QPCT: variants seen among roughly 807,000 people sequenced by gnomAD.
QPCT encodes glutaminyl-peptide cyclotransferase.
Under a neutral mutation model 43.4 loss-of-function variants are expected in QPCT, and 44 were observed. That is an observed-to-expected ratio of 1.01 (90% CI 0.80 to 1.30). The LOEUF (loss-of-function observed/expected upper bound fraction) is 1.30. Among genes scored for constraint, QPCT ranks in the 50% most tolerant of loss-of-function variants. The pLI is 0.00. For missense variants in QPCT, 526 were observed against 436.5 expected, an observed-to-expected ratio of 1.21 and a Z score of -1.83; for synonymous variants, 168 against 168.4, an observed-to-expected ratio of 1.00 and a Z score of 0.02.
intron 3 of QPCT, among the ~76,000 whole-genome samples, chr2:37,362,262 T>C (rs775689304): frequency 2.0e-5 from 3 of 152,242 alleles, no homozygotes; most frequent in African/African-American, 4.8e-5. Flanking sequence ...TCTGCGATTA[T>C]GTTGTCTGAT....
rs766039252 is a variant in QPCT at position 37,344,780 on chromosome 2, C to T, written c.49C>T (p.Leu17=). 2 of 1,609,696 alleles carry T rather than the reference C, an allele frequency of 1.2e-6. No homozygotes were observed. The highest frequency in any genetic ancestry group is 1.3e-5 in the African/African-American group (1 of 74,678). ...CGTCGTGGGCACCCTCCACCTGCTG[C>T]TGCTGGTGGCCGCCCTGCCCTGGGC... is the stretch of plus-strand genomic sequence containing the variant. ...RRVVGTLHLL[L]LVAALPWASR... Residue 17 remains leucine, a synonymous_variant, in exon 1 of 7, where the codon CTG becomes TTG. Coordinates refer to ENST00000338415, the MANE Select transcript of QPCT (RefSeq NM_012413.4).
At chr2:37,367,470 C>G (rs762819287) in intron 4 of QPCT, 62 bp downstream of exon 4, 11 of 1,534,370 alleles carry the variant, frequency 7.2e-6, no homozygotes, top group South Asian at 3.6e-5. Flanking sequence ...GAAAAGGTTG[C>G]AAAAGCCAAG....
At chr2:37,367,677 G>C (rs1672988570) in intron 4 of QPCT, among the ~76,000 whole-genome samples, 1 of 152,040 alleles carries the variant, frequency 6.6e-6, no homozygotes, top group Admixed American at 6.6e-5. Flanking sequence ...TTCGAGACCA[G>C]ACTGGGCAAC....
chr2:37,364,642 C>G (rs945344980), intron 3 of QPCT, among the ~76,000 whole-genome samples: 3 of 152,156 alleles, frequency 2.0e-5, no homozygotes, highest in African/African-American at 7.2e-5. Context: ...CAGAAAGAGA[C>G]AGATCCCCAC....
chr2:37,355,909 G>T (rs947488678), intron 2 of QPCT, among the ~76,000 whole-genome samples: 1 of 152,074 alleles, frequency 6.6e-6, no homozygotes, highest in African/African-American at 2.4e-5. Flanking sequence ...AATGTCATCA[G>T]GTACATAGAT....
chr2:37,359,654 C>T lies in QPCT; in HGVS notation c.342C>T (p.Pro114=), dbSNP rs1279794368. Residue 114 remains proline, a synonymous_variant, in exon 3 of 7, where the codon CCC becomes CCT. Coordinates refer to ENST00000338415, the MANE Select transcript of QPCT (RefSeq NM_012413.4). ...TAGACACCTTCTTGAGTCAGACACC[C>T]TATGGGTACCGGTCTTTCTCAAATA... ...LEIDTFLSQT[P]YGYRSFSNII... 1 of 1,613,992 alleles carries T rather than the reference C, an allele frequency of 6.2e-7. No individual in the cohort carries two copies. Among genetic ancestry groups the T allele is most frequent in the Non-Finnish European group, 8.5e-7 (1 of 1,179,970 alleles).
chr2:37,348,383 T>A (rs1188021428), intron 1 of QPCT, among the ~76,000 whole-genome samples: 1 of 152,190 alleles, frequency 6.6e-6, no homozygotes, highest in African/African-American at 2.4e-5. Flanking sequence ...AGATGTTGTC[T>A]TGTTCAGTTC....
At chr2:37,347,371 G>C (rs951354697) in intron 1 of QPCT, among the ~76,000 whole-genome samples, 5 of 150,172 alleles carry the variant, frequency 3.3e-5, no homozygotes, top group African/African-American at 1.2e-4. Flanking sequence ...TGAAGAGCTA[G>C]GGTTTGGCTT....
intron 2 of QPCT, among the ~76,000 whole-genome samples, chr2:37,356,589 G>T (rs549242138): frequency 6.6e-6 from 1 of 152,284 alleles, no homozygotes; most frequent in South Asian, 2.1e-4. Context: ...TGTAGACTAA[G>T]TCTGAAAGCC....
chr2:37,344,780 C>G lies in QPCT; in HGVS notation c.49C>G (p.Leu17Val). 1 of 1,609,814 alleles carries G rather than the reference C, an allele frequency of 6.2e-7. No homozygotes were observed. The highest frequency in any genetic ancestry group is 8.5e-7 in the Non-Finnish European group (1 of 1,178,850). Residue 17 changes from leucine to valine, a missense_variant, in exon 1 of 7, where the codon CTG becomes GTG. Coordinates refer to ENST00000338415, the MANE Select transcript of QPCT (RefSeq NM_012413.4). ...RRVVGTLHLL[L>V]LVAALPWASR... ...CGTCGTGGGCACCCTCCACCTGCTG[C>G]TGCTGGTGGCCGCCCTGCCCTGGGC...
chr2:37,345,554 G>T (rs1326729139), intron 1 of QPCT, among the ~76,000 whole-genome samples: 1 of 152,038 alleles, frequency 6.6e-6, no homozygotes, highest in African/African-American at 2.4e-5. Context: ...GTATGGGTTC[G>T]GCCGGGCGGG....
rs760045326 is a variant in QPCT at position 37,369,786 on chromosome 2, T to A, written c.823+2T>A. 1 of 1,549,744 alleles carries A rather than the reference T, an allele frequency of 6.5e-7. No homozygotes were observed. Among genetic ancestry groups the A allele is most frequent in the South Asian group, 1.1e-5 (1 of 89,762 alleles). ...GGTTCGAAAGACTTCAAGCAATTGG[T>A]AAGCACCACTGTTATTAATGAATAA... On this transcript the variant is annotated splice_donor_variant, in intron 5 of 6. Coordinates refer to ENST00000338415, the MANE Select transcript of QPCT (RefSeq NM_012413.4). LOFTEE classifies it high-confidence loss of function.
At chr2:37,351,286 C>A (rs1672615044) in intron 1 of QPCT, among the ~76,000 whole-genome samples, 1 of 152,200 alleles carries the variant, frequency 6.6e-6, no homozygotes, top group South Asian at 2.1e-4. Context: ...CATCCTTCCC[C>A]TTAGGGAAGA....
intron 1 of QPCT, among the ~76,000 whole-genome samples, chr2:37,346,253 T>A (rs1462296378): frequency 6.6e-6 from 1 of 152,206 alleles, no homozygotes; most frequent in African/African-American, 2.4e-5. Flanking sequence ...CTGGTGGTAG[T>A]GAGGGAAGTC....
At chr2:37,352,982 T>C in intron 2 of QPCT, 47 bp downstream of exon 2, 1 of 1,581,370 alleles carries the variant, frequency 6.3e-7, no homozygotes, top group Non-Finnish European at 8.6e-7. Context: ...ATACTGTGCT[T>C]TCTCATGAGG....
At position 37,359,823 on chromosome 2, in the gene QPCT, G is replaced by C. The variant is rs760459706; in HGVS notation, c.511G>C (p.Ala171Pro). ...AVPCAMMLEL[A>P]RALDKKLLSL... ...GCCATGTGCAATGATGTTGGAACTT[G>C]CTCGTGCCTTAGACAAGAAACTCCT... The change falls in exon 3 of 7, where the codon GCT becomes CCT. Residue 171 changes from alanine to proline, a missense_variant. Physicochemically the swap from Ala to Pro is conservative, Grantham distance 27. Coordinates refer to ENST00000338415, the MANE Select transcript of QPCT (RefSeq NM_012413.4). The C allele has an allele frequency of 1.8e-5, 29 of 1,614,056 alleles. No individual in the cohort carries two copies. Among genetic ancestry groups the C allele is most frequent in the Non-Finnish European group, 2.5e-5 (29 of 1,180,026 alleles).
chr2:37,371,562 T>C (rs533274201), intron 5 of QPCT, among the ~76,000 whole-genome samples: 103 of 151,962 alleles, frequency 6.8e-4, no homozygotes, highest in African/African-American at 2.3e-3. Flanking sequence ...TCATATTACA[T>C]ATGATTGATT....
intron 2 of QPCT, among the ~76,000 whole-genome samples, chr2:37,355,055 A>G (rs1286177038): frequency 6.6e-6 from 1 of 152,252 alleles, no homozygotes; most frequent in African/African-American, 2.4e-5. Flanking sequence ...CTGAAGTTTC[A>G]GTAACATTCT....
intron 1 of QPCT, among the ~76,000 whole-genome samples, chr2:37,351,547 G>C (rs1672626120): frequency 6.6e-6 from 1 of 152,184 alleles, no homozygotes; most frequent in Admixed American, 6.5e-5. Flanking sequence ...CAGGCTGAAA[G>C]GAATTGCAAC....
Sources: gnomAD v4.1 joint callset for allele counts (sites outside exome capture counted in the v4.1 genomes callset) on GRCh38, gnomAD v4.1.1 for gene constraint, MANE v1.5 for transcripts, NCBI Gene and HGNC (gene_info 2026-07-23, HGNC 2026-07-21) for gene names.